Variants in CARMIL2 observed in about 807,000 individuals in gnomAD.
CARMIL2 encodes capping protein regulator and myosin 1 linker 2.
In CARMIL2, 96 loss-of-function variants were observed where a neutral mutation model predicts 173.3. The ratio of observed to expected loss-of-function variants is 0.55; its 90% CI spans 0.47 to 0.66. The LOEUF is 0.66. Ranked by LOEUF, CARMIL2 falls within the 30% of genes least tolerant of loss-of-function variation. The pLI is 0.00. For missense variants in CARMIL2, 1,771 were observed against 1,906.7 expected, an observed-to-expected ratio of 0.93 and a Z score of 1.33; for synonymous variants, 830 against 817.1, an observed-to-expected ratio of 1.02 and a Z score of -0.27.
intron 32 of CARMIL2, 32 bp downstream of exon 32, chr16:67,654,932 A>G (rs769560667): frequency 1.2e-6 from 2 of 1,611,448 alleles, no homozygotes; most frequent in Non-Finnish European, 1.7e-6. Context: ...ATGAAGTGAG[A>G]GGGCAGATGG....
In CARMIL2 at chr16:67,652,338, A is replaced by C. The variant is rs2052741915; in HGVS notation, c.2816A>C (p.Lys939Thr). Reference sequence around the variant, plus strand: ...GAGGAGAAGGAAGAGGAGAAGGAGAAGGTAAGTGGTTTTAGAACACGGGGC... The same window carrying C: ...GAGGAGAAGGAAGAGGAGAAGGAGACGGTAAGTGGTTTTAGAACACGGGGC... ...FPEEKEEEKEKDDSPPQKWPE... is the reference protein window; with the variant it reads ...FPEEKEEEKETDDSPPQKWPE... The change falls in exon 27 of 38, where the codon AAG (lysine) becomes ACG (threonine). Residue 939 changes from lysine to threonine, a missense_variant and splice_region_variant. Lys to Thr is a moderately conservative substitution (Grantham distance 78). Around this residue, in one of 3 missense-constraint regions of CARMIL2, gnomAD observed 817 missense variants for 903.5 expected, o/e 0.90. Coordinates refer to ENST00000334583, the MANE Select transcript of CARMIL2 (RefSeq NM_001013838.3). The surrounding 1 kb of genome is among the most constrained non-coding windows in gnomAD (Gnocchi z 4.7). 1 of 1,613,248 alleles carries C rather than the reference A, an allele frequency of 6.2e-7. No individual in the cohort carries two copies. Among genetic ancestry groups the C allele is most frequent in the Admixed American group, 1.7e-5 (1 of 60,000 alleles).
Position 67,657,431 on chromosome 16 carries a change from G to GC in CARMIL2, c.4226dup (p.Gln1410ThrfsTer9). The GC allele has an allele frequency of 6.2e-7, 1 of 1,608,622 alleles. No individual in the cohort carries two copies. The highest frequency in any genetic ancestry group is 8.5e-7 in the Non-Finnish European group (1 of 1,177,664). ...GATCTGGCCTTGGAACCGAGCCTCT[G>GC]CCCCCACAGCCCACAGAGCCCTCCA... On this transcript the variant is annotated frameshift_variant, in exon 38 of 38. Transcript: ENST00000334583. LOFTEE classifies it high-confidence loss of function. This position sits in a 1 kb window ranked among gnomAD's most constrained non-coding sequence, Gnocchi z 4.5.
chr16:67,645,478 C>T, intron 1 of CARMIL2, 62 bp from the exon 2 acceptor site: 1 of 1,456,118 alleles, frequency 6.9e-7, no homozygotes, highest in Non-Finnish European at 9.4e-7. Flanking sequence ...CTGGCACAGA[C>T]TGTGGGCACC....
chr16:67,650,180 T>C (rs569831970), intron 22 of CARMIL2, 30 bp downstream of exon 22: 8 of 1,573,230 alleles, frequency 5.1e-6, no homozygotes, highest in Middle Eastern at 1.7e-4. Flanking sequence ...CCACGAGAGG[T>C]AGGGCATGAG....
At chr16:67,647,430 C>A (rs780514282) in intron 10 of CARMIL2, 43 bp downstream of exon 10, 8 of 1,558,508 alleles carry the variant, frequency 5.1e-6, no homozygotes, top group Non-Finnish European at 7.0e-6. Flanking sequence ...AGTCTGGAGG[C>A]TTGGGACTGG....
Position 67,646,018 on chromosome 16 carries a change from G to T in CARMIL2, c.187G>T (p.Val63Leu), listed in dbSNP as rs1161835704. 6.2e-7 allele frequency: 1 copy of T among 1,613,776 alleles called. No homozygotes were observed. Among genetic ancestry groups the T allele is most frequent in the South Asian group, 1.1e-5 (1 of 91,082 alleles). Residue 63 changes from valine (V) to leucine (L), a missense_variant and splice_region_variant, in exon 4 of 38, where the codon GTG becomes TTG. By Grantham distance (32) the Val-to-Leu change is conservative (BLOSUM62 1). Transcript: ENST00000334583. The surrounding 1 kb of genome is among the most constrained non-coding windows in gnomAD (Gnocchi z 4.6). ...CCCAGCTGATCTAGGCCCTTTCTAGGTGGACTGCACGTTCAGCTACCTGGA... is the reference window on the plus strand; with the variant it reads ...CCCAGCTGATCTAGGCCCTTTCTAGTTGGACTGCACGTTCAGCTACCTGGA... ...LLHTTCLPLR[V>L]DCTFSYLEVQ...
intron 22 of CARMIL2, chr16:67,650,610 T>A (rs555312479): frequency 5.3e-6 from 1 of 188,610 alleles, no homozygotes; most frequent in South Asian, 1.1e-4. Flanking sequence ...AATCCAGACA[T>A]CCTGCTGGGC....
In CARMIL2 at chr16:67,654,429, C is replaced by G. The variant is rs762295013; in HGVS notation, c.3319C>G (p.Pro1107Ala). The G allele has an allele frequency of 2.5e-6, 4 of 1,612,040 alleles. No individual in the cohort carries two copies. Among genetic ancestry groups the G allele is most frequent in the African/African-American group, 1.3e-5 (1 of 74,904 alleles). Residue 1107 changes from proline to alanine, a missense_variant, in exon 31 of 38, where the codon CCT (proline) becomes GCT (alanine). Around this residue, in one of 3 missense-constraint regions of CARMIL2, gnomAD observed 817 missense variants for 903.5 expected, o/e 0.90. Coordinates refer to ENST00000334583, the MANE Select transcript of CARMIL2 (RefSeq NM_001013838.3). ...KLGTLFAFKKPRSTRGPRTDL... is the reference protein window; with the variant it reads ...KLGTLFAFKKARSTRGPRTDL... Reference sequence around the variant, plus strand: ...GGGCACCCTCTTTGCCTTCAAGAAGCCTCGTTCAACGCGGGGTCCACGGAC... The same window carrying G: ...GGGCACCCTCTTTGCCTTCAAGAAGGCTCGTTCAACGCGGGGTCCACGGAC...
Position 67,648,557 on chromosome 16 carries a change from T to C in CARMIL2, c.1439+55T>C. On this transcript the variant is annotated intron_variant, in intron 15 of 37. Coordinates refer to ENST00000334583, the MANE Select transcript of CARMIL2 (RefSeq NM_001013838.3). This position sits in a 1 kb window ranked among gnomAD's most constrained non-coding sequence, Gnocchi z 6.1. ...CGGGCGCTCCCACCCTGCCCTGGCC[T>C]TCGCCCCTCCCCGCTCCTGCTTCTG... is the stretch of plus-strand genomic sequence containing the variant. The C allele has an allele frequency of 3.7e-6, 5 of 1,353,960 alleles. No individual in the cohort carries two copies. The highest frequency in any genetic ancestry group is 2.9e-5 in the East Asian group (1 of 34,730). 83.9% of individuals were successfully genotyped at this position (1,353,960 alleles called of 1,614,324 possible).
In CARMIL2 at chr16:67,647,713, G is replaced by T. The variant is rs1437807795; in HGVS notation, c.905G>T (p.Cys302Phe). 6.3e-7 allele frequency: 1 copy of T among 1,582,650 alleles called. No homozygotes were observed. The highest frequency in any genetic ancestry group is 8.6e-7 in the Non-Finnish European group (1 of 1,164,540). Reference protein sequence around the residue: ...MTALSRHLERCPGALRRLSLA... With the variant: ...MTALSRHLERFPGALRRLSLA... ...GCACTCAGCAGACACCTCGAGCGTT[G>T]TCCAGGAGCCCTGAGGAGACTCAGC... Residue 302 changes from cysteine (C) to phenylalanine (F), a missense_variant, in exon 12 of 38, where the codon TGT becomes TTT. Cys to Phe is a radical substitution (Grantham distance 205). Coordinates refer to ENST00000334583, the MANE Select transcript of CARMIL2 (RefSeq NM_001013838.3).
chr16:67,652,951 GC>G lies in CARMIL2; in HGVS notation c.2885-65del. On this transcript the variant is annotated intron_variant, in intron 28 of 37. Coordinates refer to ENST00000334583, the MANE Select transcript of CARMIL2 (RefSeq NM_001013838.3). This position sits in a 1 kb window ranked among gnomAD's most constrained non-coding sequence, Gnocchi z 4.7. ...CCGCGCCCTGGGCGGGTCCCCCGCC[GC>G]CCTAGCGCCTCCGCCGCCACCTCCC... The G allele has an allele frequency of 2.5e-6, 2 of 806,148 alleles. No individual in the cohort carries two copies. Among genetic ancestry groups the G allele is most frequent in the East Asian group, 6.5e-5 (1 of 15,300 alleles). The allele number at this position is 806,148 out of a possible 1,614,324, so 49.9% of individuals were successfully genotyped here. A position where few individuals can be genotyped will look rare whatever the true frequency, so the allele number is the denominator to read the frequency against.
chr16:67,645,458 G>A, intron 1 of CARMIL2, 82 bp from the exon 2 acceptor site: 1 of 1,427,900 alleles, frequency 7.0e-7, no homozygotes, highest in Non-Finnish European at 9.7e-7. Context: ...ATAAGCCCCA[G>A]GGCCCCAGCC....
chr16:67,649,234 A>T lies in CARMIL2; in HGVS notation c.1689-20A>T, dbSNP rs2052667543. The T allele has an allele frequency of 6.2e-7, 1 of 1,613,260 alleles. No homozygotes were observed. Among genetic ancestry groups the T allele is most frequent in the Admixed American group, 1.7e-5 (1 of 59,956 alleles). Reference sequence around the variant, plus strand: ...CACCCCACCACCCCTGTCCCCCACAACTGCGGCCCCTGCCCACAGGGAGAC... The same window carrying T: ...CACCCCACCACCCCTGTCCCCCACATCTGCGGCCCCTGCCCACAGGGAGAC... On this transcript the variant is annotated intron_variant, in intron 18 of 37. Coordinates refer to ENST00000334583, the MANE Select transcript of CARMIL2 (RefSeq NM_001013838.3). The surrounding 1 kb of genome is among the most constrained non-coding windows in gnomAD (Gnocchi z 6.7).
In CARMIL2 at chr16:67,650,111, C is replaced by T. The variant is rs372817907; in HGVS notation, c.2145C>T (p.Arg715=). ...ADPASSDHTT[R]LQPLGLVSDP... ...CTGCCTCTTCTGACCACACGACCCGCCTTCAGCCACTTGGTCTGGTCTCAG... is the reference window on the plus strand; with the variant it reads ...CTGCCTCTTCTGACCACACGACCCGTCTTCAGCCACTTGGTCTGGTCTCAG... Residue 715 remains arginine (R), a synonymous_variant, in exon 22 of 38, where the codon CGC becomes CGT. Transcript: ENST00000334583. 101 of 1,613,490 alleles carry T rather than the reference C, an allele frequency of 6.3e-5. 1 individual carries two copies. The Middle Eastern group carries it at 6.6e-4, about 11-fold the overall frequency.
chr16:67,651,463 G>A lies in CARMIL2; in HGVS notation c.2376G>A (p.Lys792=), dbSNP rs1241112117. The change falls in exon 24 of 38, where the codon AAG becomes AAA. Residue 792 remains lysine, a synonymous_variant. Coordinates refer to ENST00000334583, the MANE Select transcript of CARMIL2 (RefSeq NM_001013838.3). This position sits in a 1 kb window ranked among gnomAD's most constrained non-coding sequence, Gnocchi z 4.2. ...SPSHHWQLGQ[K]LEGLLRQVGE... ...GCCATCACTGGCAGCTTGGGCAGAA[G>A]CTGGAGGGCCTTCTGAGACAGGTGG... 2 of 1,599,744 alleles carry A rather than the reference G, an allele frequency of 1.3e-6. No homozygotes were observed. Among genetic ancestry groups the A allele is most frequent in the Non-Finnish European group, 1.7e-6 (2 of 1,171,816 alleles).
Position 67,657,333 on chromosome 16 carries a change from G to A in CARMIL2, c.4195+17G>A. The stretch of plus-strand genomic sequence containing the variant: ...CAAGCCTAGGTAAGAGGGGGTCCAG[G>A]CCAGCTGGGAGGGTGGCAGGACTGC... On this transcript the variant is annotated intron_variant, in intron 37 of 37. Coordinates refer to ENST00000334583, the MANE Select transcript of CARMIL2 (RefSeq NM_001013838.3). This position sits in a 1 kb window ranked among gnomAD's most constrained non-coding sequence, Gnocchi z 4.5. The A allele has an allele frequency of 6.2e-7, 1 of 1,613,190 alleles. No homozygotes were observed. The highest frequency in any genetic ancestry group is 8.5e-7 in the Non-Finnish European group (1 of 1,179,596).
chr16:67,645,911 G>T, intron 3 of CARMIL2, 107 bp from the exon 4 acceptor site: 1 of 1,561,552 alleles, frequency 6.4e-7, no homozygotes. Context: ...CAGCCGACAG[G>T]AGGGGAGTCC....
At position 67,646,921 on chromosome 16, in the gene CARMIL2, C is replaced by A. The variant is rs948490082; in HGVS notation, c.559C>A (p.Arg187Ser). The A allele has an allele frequency of 2.5e-6, 4 of 1,613,618 alleles. No homozygotes were observed. The highest frequency in any genetic ancestry group is 3.4e-6 in the Non-Finnish European group (4 of 1,179,886). Residue 187 changes from arginine (R) to serine (S), a missense_variant, in exon 8 of 38, where the codon CGC becomes AGC. Physicochemically the swap from Arg to Ser is moderately radical, Grantham distance 110. Around this residue, in one of 3 missense-constraint regions of CARMIL2, gnomAD observed 944 missense variants for 975.6 expected, o/e 0.97. Transcript: ENST00000334583. This position sits in a 1 kb window ranked among gnomAD's most constrained non-coding sequence, Gnocchi z 4.6. ...CCAGGACGTGGACACCATTTACCAT[C>A]GCCAGGGCTGCCGCCATTTCAGCCT... ...IQWDVDTIYH[R>S]QGCRHFSLGD...
At chr16:67,654,298 G>A in intron 30 of CARMIL2, 34 bp from the exon 31 acceptor site, 1 of 1,580,238 alleles carries the variant, frequency 6.3e-7, no homozygotes, top group South Asian at 1.2e-5. Context: ...GATGCCTGAT[G>A]GGCTTTCTCG....
Sources: allele counts gnomAD v4.1 joint callset, GRCh38; gene constraint gnomAD v4.1.1; regional missense constraint gnomAD v4.1.1; non-coding constraint Gnocchi (gnomAD v3.1); transcripts MANE v1.5; gene names NCBI Gene and HGNC (gene_info 2026-07-23, HGNC 2026-07-21).